TRHDE: variants seen among roughly 807,000 people sequenced by gnomAD.
TRHDE encodes thyrotropin-releasing hormone-degrading ectoenzyme.
A neutral mutation model predicts 125.7 loss-of-function variants in TRHDE; 72 were observed. The ratio of observed to expected loss-of-function variants is 0.57; its 90% CI spans 0.47 to 0.70. TRHDE has a LOEUF of 0.70. Among genes scored for constraint, TRHDE ranks in the 30% least tolerant of loss-of-function variants. TRHDE has a pLI of 0.00. For missense variants in TRHDE, 1,110 were observed against 1,327.1 expected (o/e 0.84, Z 2.54); for synonymous variants, 509 against 509.1 (o/e 1.00, Z 0.00).
chr12:72,209,562 C>T (rs1877733643), intron 2 of TRHDE, among the ~76,000 whole-genome samples: 1 of 152,168 alleles, frequency 6.6e-6, no homozygotes, highest in East Asian at 1.9e-4. Flanking sequence ...ATTAATTTAA[C>T]TGTTGGAAAA....
At chr12:72,291,217 T>C (rs1176179474) in intron 2 of TRHDE, among the ~76,000 whole-genome samples, 1 of 152,190 alleles carries the variant, frequency 6.6e-6, no homozygotes, top group Non-Finnish European at 1.5e-5. Flanking sequence ...TAACGAAAGA[T>C]ACAAGCTACC....
At chr12:72,457,158 A>T (rs146022943) in intron 3 of TRHDE, among the ~76,000 whole-genome samples, 56 of 152,230 alleles carry the variant, frequency 3.7e-4, no homozygotes, top group African/African-American at 1.3e-3. Context: ...TTTCGAACGG[A>T]AAGTCTATAG....
intron 2 of TRHDE, among the ~76,000 whole-genome samples, chr12:72,156,196 G>T (rs995496271): frequency 3.9e-5 from 6 of 152,350 alleles, no homozygotes; most frequent in South Asian, 2.1e-4. Context: ...CTCTGAGCTA[G>T]GCATGGGATA....
At chr12:72,597,149 C>A (rs1871974579) in intron 12 of TRHDE, among the ~76,000 whole-genome samples, 1 of 152,154 alleles carries the variant, frequency 6.6e-6, no homozygotes, top group South Asian at 2.1e-4. Flanking sequence ...AAAAAGCTGT[C>A]ACTCTGGAGA....
intron 2 of TRHDE, among the ~76,000 whole-genome samples, chr12:72,215,178 G>T (rs1468061420): frequency 9.6e-5 from 13 of 134,900 alleles, no homozygotes; most frequent in African/African-American, 1.1e-4. Flanking sequence ...GTCAAAGGGG[G>T]TTTGTTCTCT....
At chr12:72,249,471 G>A (rs1261918950) in intron 2 of TRHDE, among the ~76,000 whole-genome samples, 1 of 152,170 alleles carries the variant, frequency 6.6e-6, no homozygotes, top group Non-Finnish European at 1.5e-5. Context: ...AGGGTTGGTT[G>A]AGCCCTGGAG....
At chr12:72,510,629 A>C (rs531481887) in intron 6 of TRHDE, among the ~76,000 whole-genome samples, 2 of 152,270 alleles carry the variant, frequency 1.3e-5, no homozygotes, top group South Asian at 4.1e-4. Flanking sequence ...TTAAATAGAA[A>C]ATATGATTTG....
chr12:72,147,196 G>A (rs985818982), intron 2 of TRHDE, among the ~76,000 whole-genome samples: 14 of 151,996 alleles, frequency 9.2e-5, no homozygotes, highest in African/African-American at 2.4e-4. Context: ...TTAGGGCTGC[G>A]AGTATTCATG....
intron 3 of TRHDE, among the ~76,000 whole-genome samples, chr12:72,382,656 T>C (rs1592406047): frequency 6.6e-6 from 1 of 152,344 alleles, no homozygotes; most frequent in Admixed American, 6.5e-5. Flanking sequence ...CTGACTTTAC[T>C]GAAGCTTTGG....
At chr12:72,147,394 C>T (rs1283890314) in intron 2 of TRHDE, among the ~76,000 whole-genome samples, 5 of 152,128 alleles carry the variant, frequency 3.3e-5, no homozygotes, top group Admixed American at 3.3e-4. Flanking sequence ...TGCCTTGTCA[C>T]CCTGGGGAGG....
chr12:72,400,462 C>A (rs1010768546), intron 3 of TRHDE, among the ~76,000 whole-genome samples: 2 of 152,132 alleles, frequency 1.3e-5, no homozygotes, highest in Non-Finnish European at 2.9e-5. Flanking sequence ...AATAAAAATT[C>A]TCAGTGTAAA....
At chr12:72,422,204 G>A (rs1178678862) in intron 3 of TRHDE, among the ~76,000 whole-genome samples, 1 of 152,066 alleles carries the variant, frequency 6.6e-6, no homozygotes, top group East Asian at 1.9e-4. Flanking sequence ...AGTGACAAGA[G>A]GAGAAAATCT....
intron 3 of TRHDE, among the ~76,000 whole-genome samples, chr12:72,435,837 GAAAACCAGT>G (rs1874718097): frequency 3.3e-5 from 5 of 151,876 alleles, no homozygotes; most frequent in African/African-American, 1.2e-4. Flanking sequence ...GCTGCAATAT[GAAAACCAGT>G]TCCCAAGGAC....
At chr12:72,640,191 G>T (rs1241306963) in intron 15 of TRHDE, among the ~76,000 whole-genome samples, 1 of 152,210 alleles carries the variant, frequency 6.6e-6, no homozygotes, top group African/African-American at 2.4e-5. Context: ...GCCAGGTGCG[G>T]GACACAATCT....
chr12:72,140,757 A>G (rs1428264487), intron 2 of TRHDE, among the ~76,000 whole-genome samples: 8 of 152,110 alleles, frequency 5.3e-5, no homozygotes, highest in Admixed American at 6.6e-5. Flanking sequence ...TCTGCTGCCC[A>G]TTTTCCCTGT....
intron 2 of TRHDE, among the ~76,000 whole-genome samples, chr12:72,297,560 A>C (rs902483541): frequency 5.3e-5 from 8 of 152,312 alleles, no homozygotes; most frequent in African/African-American, 1.9e-4. Context: ...AAAGCTGTAA[A>C]TCAGGCTTCA....
chr12:72,292,490 G>C (rs893948830), intron 2 of TRHDE, among the ~76,000 whole-genome samples: 1 of 152,164 alleles, frequency 6.6e-6, no homozygotes, highest in Non-Finnish European at 1.5e-5. Flanking sequence ...GAAGAAGCCA[G>C]GTGGCACTTT....
intron 15 of TRHDE, among the ~76,000 whole-genome samples, chr12:72,630,380 C>T (rs998775883): frequency 6.6e-6 from 1 of 151,706 alleles, no homozygotes; most frequent in Non-Finnish European, 1.5e-5. Flanking sequence ...CCAAGAATTG[C>T]TGGAGCCATT....
chr12:72,534,421 TCTC>T (rs2135978957), intron 6 of TRHDE, among the ~76,000 whole-genome samples: 1 of 152,196 alleles, frequency 6.6e-6, no homozygotes, highest in South Asian at 2.1e-4. Flanking sequence ...ACCTTTTTGG[TCTC>T]CTATTATCTT....
Sources: allele counts gnomAD v4.1 joint callset (sites outside exome capture counted in the v4.1 genomes callset), GRCh38; gene constraint gnomAD v4.1.1; transcripts MANE v1.5; gene names NCBI Gene and HGNC (gene_info 2026-07-23, HGNC 2026-07-21).